Variants in SPATS2L observed in about 807,000 individuals in gnomAD.
SPATS2L encodes SPATS2-like protein.
Under a neutral mutation model 59.6 loss-of-function variants are expected in SPATS2L, and 30 were observed. That is an observed-to-expected ratio of 0.50 (90% CI 0.38 to 0.68). The LOEUF (loss-of-function observed/expected upper bound fraction) is 0.68, where lower values mean the gene tolerates loss of function less well. SPATS2L is among the 30% of genes least tolerant of loss of function. SPATS2L has a pLI of 0.00. For synonymous variants in SPATS2L, 252 were observed against 263.5 expected, an observed-to-expected ratio of 0.96 and a Z score of 0.42; for missense variants, 615 against 700.0, an observed-to-expected ratio of 0.88 and a Z score of 1.37.
intron 11 of SPATS2L, 107 bp downstream of exon 11, chr2:200,470,123 A>G: frequency 1.3e-6 from 1 of 782,820 alleles, no homozygotes; most frequent in Non-Finnish European, 2.1e-6. Context: ...GGCTAACGTG[A>G]GGTCTAAAGA....
At chr2:200,450,093 T>A (rs1384640930) in intron 8 of SPATS2L, among the ~76,000 whole-genome samples, 1 of 152,240 alleles carries the variant, frequency 6.6e-6, no homozygotes, top group African/African-American at 2.4e-5. Flanking sequence ...ATCTCATCTC[T>A]ACATATTCTA....
intron 8 of SPATS2L, among the ~76,000 whole-genome samples, chr2:200,458,051 T>A (rs546954922): frequency 2.8e-4 from 43 of 152,146 alleles, no homozygotes; most frequent in Non-Finnish European, 5.3e-4. Context: ...AGCAAAAAAA[T>A]CTTCTTGATT....
At chr2:200,390,577 A>C (rs2082141350) in intron 3 of SPATS2L, 1 of 152,544 alleles carries the variant, frequency 6.6e-6, no homozygotes, top group Admixed American at 6.5e-5. Context: ...CAGAGAGAAA[A>C]GCAAAGCAGA....
At chr2:200,396,060 ATATATATT>A (rs869238247) in intron 3 of SPATS2L, among the ~76,000 whole-genome samples, 2,321 of 91,528 alleles carry the variant, frequency 0.025, 185 homozygotes, top group Non-Finnish European at 0.039. Flanking sequence ...ATATATATAT[ATATATATT>A]TTCCCATAGA....
chr2:200,312,089 C>T (rs986697325), intron 1 of SPATS2L, among the ~76,000 whole-genome samples: 11 of 152,060 alleles, frequency 7.2e-5, no homozygotes, highest in Admixed American at 7.2e-4. Context: ...TATATAGATA[C>T]CTGCAGTAAT....
At chr2:200,366,994 G>A (rs565927648) in intron 2 of SPATS2L, among the ~76,000 whole-genome samples, 63 of 152,274 alleles carry the variant, frequency 4.1e-4, no homozygotes, top group African/African-American at 1.4e-3. Flanking sequence ...GCTGGTGACT[G>A]TCACTAATCG....
At chr2:200,406,850 A>C (rs554769865) in intron 3 of SPATS2L, among the ~76,000 whole-genome samples, 1 of 152,344 alleles carries the variant, frequency 6.6e-6, no homozygotes, top group South Asian at 2.1e-4. Context: ...AAAGAAGAAG[A>C]GGGGGTAAAA....
chr2:200,333,464 G>A (rs937009013), intron 2 of SPATS2L, among the ~76,000 whole-genome samples: 2 of 151,552 alleles, frequency 1.3e-5, no homozygotes, highest in African/African-American at 2.4e-5. Context: ...GGAGTTTGGG[G>A]TACAAGGGTT....
At chr2:200,455,250 A>G (rs1387257944) in intron 8 of SPATS2L, among the ~76,000 whole-genome samples, 2 of 152,260 alleles carry the variant, frequency 1.3e-5, no homozygotes, top group East Asian at 1.9e-4. Context: ...GTCTAAGATC[A>G]TGAAATTGAA....
At chr2:200,354,147 A>T (rs2105851298) in intron 2 of SPATS2L, among the ~76,000 whole-genome samples, 1 of 152,302 alleles carries the variant, frequency 6.6e-6, no homozygotes, top group East Asian at 1.9e-4. Context: ...TATCCCAAAG[A>T]GGGAAAGATG....
chr2:200,335,305 G>A (rs1395139275), intron 2 of SPATS2L, among the ~76,000 whole-genome samples: 4 of 151,956 alleles, frequency 2.6e-5, no homozygotes, highest in African/African-American at 9.7e-5. Flanking sequence ...GTGAACCCGG[G>A]AGGCAGAGCT....
At chr2:200,336,635 C>T (rs2080152605) in intron 2 of SPATS2L, among the ~76,000 whole-genome samples, 1 of 152,244 alleles carries the variant, frequency 6.6e-6, no homozygotes, top group Admixed American at 6.5e-5. Flanking sequence ...ACTGCTGTTC[C>T]TCACACCAAA....
intron 2 of SPATS2L, chr2:200,378,243 CTGG>C: frequency 1.0e-6 from 1 of 1,002,538 alleles, no homozygotes; most frequent in Non-Finnish European, 1.2e-6. Flanking sequence ...AGATGACTTA[CTGG>C]TCACAGTAAA....
chr2:200,307,834 G>A (rs1405237125), intron 1 of SPATS2L, among the ~76,000 whole-genome samples: 1 of 152,246 alleles, frequency 6.6e-6, no homozygotes, highest in Non-Finnish European at 1.5e-5. Context: ...TTTAGCAGAT[G>A]TCGGGGTTTT....
chr2:200,353,313 C>G (rs918040319), intron 2 of SPATS2L, among the ~76,000 whole-genome samples: 2 of 152,108 alleles, frequency 1.3e-5, no homozygotes, highest in African/African-American at 2.4e-5. Flanking sequence ...ATTGTGCAAT[C>G]CAAGTGGAGG....
intron 1 of SPATS2L, among the ~76,000 whole-genome samples, chr2:200,314,249 T>C (rs1047124752): frequency 6.6e-6 from 1 of 152,244 alleles, no homozygotes; most frequent in African/African-American, 2.4e-5. Context: ...TTCACCAAGT[T>C]TAAAACCCAG....
At chr2:200,441,977 G>A (rs1033076093) in intron 8 of SPATS2L, among the ~76,000 whole-genome samples, 8 of 152,048 alleles carry the variant, frequency 5.3e-5, no homozygotes, top group Admixed American at 6.5e-5. Context: ...CATCTGCTAT[G>A]TATCATATAA....
chr2:200,397,765 T>A (rs926934155), intron 3 of SPATS2L, among the ~76,000 whole-genome samples: 1 of 151,854 alleles, frequency 6.6e-6, no homozygotes, highest in Non-Finnish European at 1.5e-5. Context: ...AAGAAGGAAG[T>A]GGGACATGCT....
chr2:200,319,920 A>C (rs1265491185), intron 1 of SPATS2L, among the ~76,000 whole-genome samples: 1 of 152,192 alleles, frequency 6.6e-6, no homozygotes, highest in Non-Finnish European at 1.5e-5. Context: ...CCTCTTTATC[A>C]AGACAGCTTT....
Sources: allele counts gnomAD v4.1 joint callset (sites outside exome capture counted in the v4.1 genomes callset), GRCh38; gene constraint gnomAD v4.1.1; transcripts MANE v1.5; gene names NCBI Gene and HGNC (gene_info 2026-07-23, HGNC 2026-07-21).